IGSF11: variants seen among roughly 807,000 people sequenced by gnomAD.
The protein encoded by IGSF11 is CXADR like 1.
Under a neutral mutation model 41.0 loss-of-function variants are expected in IGSF11, and 22 were observed. That is an observed-to-expected ratio of 0.54 (90% confidence interval 0.38 to 0.77). The LOEUF (loss-of-function observed/expected upper bound fraction) is 0.77. Among genes scored for constraint, IGSF11 ranks in the 30% least tolerant of loss-of-function variants. The pLI is 0.00. For synonymous variants in IGSF11, 219 were observed against 201.3 expected (o/e 1.09, Z -0.74); for missense variants, 444 against 530.8 (o/e 0.84, Z 1.61).
chr3:118,914,174 A>G (rs1940737006), intron 4 of IGSF11, among the ~76,000 whole-genome samples: 2 of 152,210 alleles, frequency 1.3e-5, no homozygotes, highest in Admixed American at 6.5e-5. Context: ...ATTATAAAGA[A>G]TATTCAAATA....
intron 1 of IGSF11, among the ~76,000 whole-genome samples, chr3:119,142,662 A>G (rs1169492642): frequency 1.3e-5 from 2 of 152,094 alleles, no homozygotes; most frequent in Non-Finnish European, 2.9e-5. Context: ...GAGGAGAGAG[A>G]GAAAGGGAAA....
At chr3:119,145,598 TCTC>T (rs770698283) in intron 1 of IGSF11, among the ~76,000 whole-genome samples, 4 of 152,124 alleles carry the variant, frequency 2.6e-5, no homozygotes, top group Non-Finnish European at 5.9e-5. Context: ...CTGGATCTTC[TCTC>T]CTCTCTCTGG....
At chr3:119,068,169 C>T (rs1211222234) in intron 1 of IGSF11, among the ~76,000 whole-genome samples, 21 of 152,072 alleles carry the variant, frequency 1.4e-4, no homozygotes, top group African/African-American at 4.8e-4. Flanking sequence ...GAAAGGAGAC[C>T]GTCCATAGAG....
chr3:118,955,219 T>TACACACACACACAC (rs34044399), intron 1 of IGSF11, among the ~76,000 whole-genome samples: 14 of 144,400 alleles, frequency 9.7e-5, no homozygotes, highest in African/African-American at 3.5e-4. Flanking sequence ...TATATGTACA[T>TACACACACACACAC]ACACACACAC....
At chr3:119,142,135 C>T (rs1298313096) in intron 1 of IGSF11, among the ~76,000 whole-genome samples, 4 of 151,866 alleles carry the variant, frequency 2.6e-5, no homozygotes, top group South Asian at 2.1e-4. Flanking sequence ...ATTAGCTGGG[C>T]ATGGTGGCGG....
chr3:118,959,348 G>T (rs1945174762), intron 1 of IGSF11, among the ~76,000 whole-genome samples: 1 of 152,182 alleles, frequency 6.6e-6, no homozygotes, highest in South Asian at 2.1e-4. Flanking sequence ...GCTCAAAAGG[G>T]AAAGACTGTG....
intron 1 of IGSF11, 144 bp from the exon 2 acceptor site, chr3:118,930,419 C>G: frequency 1.4e-6 from 1 of 704,208 alleles, no homozygotes; most frequent in Non-Finnish European, 2.1e-6. Flanking sequence ...AACTGCTGAC[C>G]AGTCACTGAG....
At chr3:119,112,034 G>T (rs1040702723) in intron 1 of IGSF11, among the ~76,000 whole-genome samples, 6 of 152,196 alleles carry the variant, frequency 3.9e-5, no homozygotes, top group Non-Finnish European at 8.8e-5. Flanking sequence ...GCTGCTCGGG[G>T]GTCAGGGGTC....
chr3:119,008,160 A>G (rs1413276498), intron 1 of IGSF11, among the ~76,000 whole-genome samples: 4 of 152,216 alleles, frequency 2.6e-5, no homozygotes, highest in Non-Finnish European at 5.9e-5. Flanking sequence ...CTTGGTTAAG[A>G]AATGAACAAC....
chr3:118,952,458 C>A (rs953976506), intron 1 of IGSF11, among the ~76,000 whole-genome samples: 1 of 152,090 alleles, frequency 6.6e-6, no homozygotes, highest in African/African-American at 2.4e-5. Context: ...ATTCTAAATC[C>A]TTTGTTGTCA....
chr3:119,103,876 A>T (rs568010760), intron 1 of IGSF11, among the ~76,000 whole-genome samples: 2 of 152,194 alleles, frequency 1.3e-5, no homozygotes, highest in Non-Finnish European at 2.9e-5. Flanking sequence ...TGAGTTATAC[A>T]GATGCAAGCA....
intron 1 of IGSF11, among the ~76,000 whole-genome samples, chr3:119,042,568 C>T (rs9289119): frequency 0.17 from 26,246 of 152,102 alleles, 2,745 homozygotes; most frequent in Non-Finnish European, 0.24. Context: ...AACAAAACTC[C>T]ATTGGCCTGG....
chr3:118,968,312 T>C (rs560496458), intron 1 of IGSF11, among the ~76,000 whole-genome samples: 11 of 152,116 alleles, frequency 7.2e-5, no homozygotes, highest in Non-Finnish European at 1.5e-4. Context: ...GTTCCTTCTT[T>C]CCTAGGTCTC....
chr3:119,140,694 C>A (rs1465558946), intron 1 of IGSF11, among the ~76,000 whole-genome samples: 7 of 152,086 alleles, frequency 4.6e-5, no homozygotes, highest in Admixed American at 2.6e-4. Context: ...TGAACATTAT[C>A]CAAGATAAAC....
chr3:119,125,264 G>C (rs906461374), intron 1 of IGSF11, among the ~76,000 whole-genome samples: 1 of 152,170 alleles, frequency 6.6e-6, no homozygotes, highest in African/African-American at 2.4e-5. Context: ...GCTGCGTTTG[G>C]AGGCTCCTGT....
In IGSF11 at chr3:119,034,741, G is replaced by T; in HGVS notation, c.-159C>A. On this transcript the variant is annotated 5_prime_UTR_variant, in exon 1 of 7. It adds an upstream start codon to the 5' untranslated region. Coordinates refer to ENST00000393775, the MANE Select transcript of IGSF11 (RefSeq NM_001015887.3). ...CAGAGCTGGGACTGTCAGACCCACA[G>T]ACGAGCCAAGTGCAGCTGCAGCGCC... is the stretch of plus-strand genomic sequence containing the variant. The T allele has an allele frequency of 7.5e-7, 1 of 1,336,730 alleles. No homozygotes were observed. The highest frequency in any genetic ancestry group is 9.6e-7 in the Non-Finnish European group (1 of 1,041,070). 82.8% of individuals were successfully genotyped at this position (1,336,730 alleles called of 1,614,324 possible).
intron 1 of IGSF11, among the ~76,000 whole-genome samples, chr3:119,026,200 T>C (rs140740040): frequency 2.0e-5 from 3 of 152,364 alleles, no homozygotes; most frequent in African/African-American, 7.2e-5. Flanking sequence ...TTTTAAATTA[T>C]AATACAAAAT....
chr3:118,926,269 G>T lies in IGSF11; in HGVS notation c.425-13C>A, dbSNP rs1286743025. The stretch of plus-strand genomic sequence containing the variant: ...GCAGAAGGGGGAACTATAACAGGAA[G>T]AATAAGCAATAAAGTACACATTTTA... On this transcript the variant is annotated splice_polypyrimidine_tract_variant and intron_variant, in intron 3 of 6. Transcript: ENST00000393775. 1.9e-6 allele frequency: 3 copies of T among 1,571,662 alleles called. No individual in the cohort carries two copies. The highest frequency in any genetic ancestry group is 1.2e-5 in the South Asian group (1 of 85,854).
intron 1 of IGSF11, among the ~76,000 whole-genome samples, chr3:119,001,800 C>G (rs1364761626): frequency 8.2e-4 from 120 of 145,936 alleles, no homozygotes; most frequent in Middle Eastern, 3.5e-3. Context: ...AGGACATGAA[C>G]TCATCATTTT....
Sources: allele counts gnomAD v4.1 joint callset (sites outside exome capture counted in the v4.1 genomes callset), GRCh38; gene constraint gnomAD v4.1.1; transcripts MANE v1.5; gene names NCBI Gene and HGNC (gene_info 2026-07-23, HGNC 2026-07-21).